Variants in SIRT4 observed in about 807,000 individuals in gnomAD.
The protein encoded by SIRT4 is sirtuin 4.
A neutral mutation model predicts 26.1 loss-of-function variants in SIRT4; 23 were observed. The observed-to-expected ratio is 0.88, with a 90% CI of 0.63 to 1.25. The LOEUF (loss-of-function observed/expected upper bound fraction) is 1.25. Ranked by LOEUF, SIRT4 falls within the 50% of genes most tolerant of loss-of-function variation. The pLI is 0.00. For missense variants in SIRT4, 361 were observed against 405.4 expected (o/e 0.89, Z 0.94); for synonymous variants, 155 against 158.4 (o/e 0.98, Z 0.16).
chr12:120,302,972 G>A (rs1415911462), intron 1 of SIRT4, among the ~76,000 whole-genome samples: 2 of 151,034 alleles, frequency 1.3e-5, no homozygotes. Flanking sequence ...ATCTGCCTGC[G>A]TCGGCCTCCC....
At chr12:120,309,708 C>G (rs1872884125) in intron 2 of SIRT4, among the ~76,000 whole-genome samples, 1 of 147,940 alleles carries the variant, frequency 6.8e-6, no homozygotes, top group Non-Finnish European at 1.5e-5. Context: ...CCACTGTGCC[C>G]GCTTTCTTTT....
intron 2 of SIRT4, among the ~76,000 whole-genome samples, chr12:120,305,414 C>A (rs116371518): frequency 0.057 from 8,706 of 152,054 alleles, 382 homozygotes; most frequent in Admixed American, 0.15. Context: ...CCGTGCCCAG[C>A]TAATTTTTAA....
At chr12:120,300,283 C>A (rs139733885), upstream of SIRT4, among the ~76,000 whole-genome samples, 569 of 151,076 alleles carry the variant, frequency 3.8e-3, 6 homozygotes, top group African/African-American at 0.012. Context: ...CAGAACGAGA[C>A]CCTGTCTCAA....
At chr12:120,311,748 A>G (rs1380527370) in intron 2 of SIRT4, among the ~76,000 whole-genome samples, 6 of 150,038 alleles carry the variant, frequency 4.0e-5, no homozygotes, top group Non-Finnish European at 8.9e-5. Context: ...AAAAAAAAAA[A>G]AAAAAAAAAA....
chr12:120,310,880 C>T lies in SIRT4; in HGVS notation c.498-1576C>T, dbSNP rs534029278. Among the ~76,000 whole-genome samples the T allele has an allele frequency of 2.1e-3, 325 of 151,298 alleles. 2 individuals are homozygous for T. Among genetic ancestry groups the T allele is most frequent in the Non-Finnish European group, 3.4e-3 (229 of 67,798 alleles). ...CCTCCCGAGTAGCTGGGACTACAGG[C>T]GCCCGCCACCACGGCCGGCTAATTT... On this transcript the variant is annotated intron_variant, in intron 2 of 3. Coordinates refer to ENST00000202967, the MANE Select transcript of SIRT4 (RefSeq NM_012240.3).
At chr12:120,296,995 C>T in the SIRT4 span, among the ~76,000 whole-genome samples, 2 of 150,198 alleles carry the variant, frequency 1.3e-5, no homozygotes, top group South Asian at 2.1e-4. Context: ...GAGGCCGAGG[C>T]GGGTGGATCA....
upstream of SIRT4, among the ~76,000 whole-genome samples, chr12:120,298,737 T>C (rs1336414764): frequency 6.8e-6 from 1 of 147,554 alleles, no homozygotes; most frequent in Non-Finnish European, 1.5e-5. Flanking sequence ...TGAAACCCCG[T>C]CTCTACTAAA....
At chr12:120,306,024 A>AG (rs1269651108) in intron 2 of SIRT4, among the ~76,000 whole-genome samples, 2 of 151,894 alleles carry the variant, frequency 1.3e-5, no homozygotes, top group African/African-American at 2.4e-5. Context: ...AAAAAAAAAA[A>AG]AAAGAAAGAA....
In SIRT4 at chr12:120,303,701, T is replaced by TA. The variant is rs771865381; in HGVS notation, c.141dup (p.Gln48ThrfsTer39). Reference sequence around the variant, plus strand: ...CTGGACCCTGAGAAGGTCAAAGAGTTACAGCGCTTCATCACCCTTTCCAAG... The same window carrying TA: ...CTGGACCCTGAGAAGGTCAAAGAGTTAACAGCGCTTCATCACCCTTTCCAAG... On this transcript the variant is annotated frameshift_variant, in exon 2 of 4. Transcript: ENST00000202967. LOFTEE classifies it high-confidence loss of function. The TA allele has an allele frequency of 2.5e-6, 4 of 1,614,116 alleles. No individual in the cohort carries two copies. In the South Asian group the frequency reaches 3.3e-5, roughly 13 times the overall value.
chr12:120,292,092 T>C, the SIRT4 span, among the ~76,000 whole-genome samples: 5 of 152,218 alleles, frequency 3.3e-5, no homozygotes, highest in African/African-American at 1.2e-4. Context: ...TTGAAAACCA[T>C]AAGAATATTC....
chr12:120,304,118 C>T (rs934400387), intron 2 of SIRT4, 60 bp downstream of exon 2: 7 of 1,566,814 alleles, frequency 4.5e-6, no homozygotes, highest in Admixed American at 3.5e-5. Flanking sequence ...AGAGTAGGGA[C>T]CTTGGCTGTC....
At chr12:120,292,914 A>G in the SIRT4 span, among the ~76,000 whole-genome samples, 3 of 152,216 alleles carry the variant, frequency 2.0e-5, no homozygotes, top group Non-Finnish European at 2.9e-5. Flanking sequence ...AGCAACTCCA[A>G]CTTTCATAAA....
intron 2 of SIRT4, among the ~76,000 whole-genome samples, chr12:120,305,480 C>T (rs1394096143): frequency 7.2e-5 from 11 of 152,060 alleles, no homozygotes; most frequent in Admixed American, 3.9e-4. Flanking sequence ...AGGCTGGTCT[C>T]GAACTCCTGG....
At chr12:120,309,452 C>T (rs1049790231) in intron 2 of SIRT4, among the ~76,000 whole-genome samples, 3 of 148,426 alleles carry the variant, frequency 2.0e-5, no homozygotes, top group African/African-American at 7.5e-5. Flanking sequence ...CACTCTGTCG[C>T]CTAGGCTGGA....
chr12:120,293,206 C>G, the SIRT4 span: 1 of 152,194 alleles, frequency 6.6e-6, no homozygotes, highest in Non-Finnish European at 1.5e-5. Flanking sequence ...GGATAGACCT[C>G]ATTGGCTACG....
At chr12:120,305,207 ATTTTC>A (rs905362271) in intron 2 of SIRT4, among the ~76,000 whole-genome samples, 3 of 138,502 alleles carry the variant, frequency 2.2e-5, no homozygotes, top group Admixed American at 7.7e-5. Context: ...AGCTAGGGTG[ATTTTC>A]TTTTATTTTC....
At chr12:120,298,324 A>G (rs978214252), upstream of SIRT4, among the ~76,000 whole-genome samples, 3 of 151,848 alleles carry the variant, frequency 2.0e-5, no homozygotes, top group South Asian at 4.2e-4. Context: ...GTTAAAAAGA[A>G]TCGGCCAGGC....
intron 2 of SIRT4, among the ~76,000 whole-genome samples, chr12:120,311,069 AAAAAAT>A (rs1872946645): frequency 6.7e-6 from 1 of 149,142 alleles, no homozygotes; most frequent in Non-Finnish European, 1.5e-5. Flanking sequence ...AAAAAAAAAA[AAAAAAT>A]AGGCCGGGCG....
chr12:120,303,855 TGCCCCAATCC>T lies in SIRT4; in HGVS notation c.298_307del (p.Pro100SerfsTer9). On this transcript the variant is annotated frameshift_variant, in exon 2 of 4. Transcript: ENST00000202967. LOFTEE classifies it high-confidence loss of function. ...TCCAGCATGGTGATTTTGTCCGGAG[TGCCCCAATCC>T]GCCAGCGGTACTGGGCGAGAAACTT... 1 of 1,614,140 alleles carries T rather than the reference TGCCCCAATCC, an allele frequency of 6.2e-7. No individual in the cohort carries two copies. The highest frequency in any genetic ancestry group is 8.5e-7 in the Non-Finnish European group (1 of 1,180,010).
Sources: allele counts gnomAD v4.1 joint callset (sites outside exome capture counted in the v4.1 genomes callset), GRCh38; gene constraint gnomAD v4.1.1; transcripts MANE v1.5; gene names NCBI Gene and HGNC (gene_info 2026-07-23, HGNC 2026-07-21).